The following PRKCZ variants were observed in gnomAD, a reference collection of about 807,000 sequenced individuals.
PRKCZ encodes protein kinase C zeta, also known as protein kinase C zeta type.
In PRKCZ, 33 loss-of-function variants were observed where a neutral mutation model predicts 79.5. The observed-to-expected ratio is 0.41, with a 90% CI of 0.31 to 0.55. The LOEUF (loss-of-function observed/expected upper bound fraction) is 0.55. PRKCZ is among the 20% of genes least tolerant of loss of function. The probability of loss-of-function intolerance (pLI) is 0.19; values close to 1 mark genes in which losing one functional copy is unlikely to be tolerated. For missense variants in PRKCZ, 578 were observed against 813.5 expected (o/e 0.71, Z 3.52); for synonymous variants, 342 against 320.9 (o/e 1.07, Z -0.70).
intron 9 of PRKCZ, among the ~76,000 whole-genome samples, chr1:2,153,734 G>A (rs1487058139): frequency 6.6e-6 from 1 of 152,236 alleles, no homozygotes; most frequent in Non-Finnish European, 1.5e-5. Flanking sequence ...CCTGAGAAAA[G>A]ACATTTGGAA....
chr1:2,163,448 T>TA (rs936710200), intron 10 of PRKCZ, among the ~76,000 whole-genome samples: 1 of 152,174 alleles, frequency 6.6e-6, no homozygotes, highest in African/African-American at 2.4e-5. Context: ...CAATGATACA[T>TA]ACAGCCTCTC....
rs757043168 is a variant in PRKCZ, at chr1:2,169,544, A to G, written c.1001A>G (p.Asn334Ser). The change falls in exon 11 of 18, where the codon AAC (asparagine) becomes AGC (serine). Residue 334 changes from asparagine to serine, a missense_variant. By Grantham distance (46) the Asn-to-Ser change is conservative. Around this residue, in one of 4 missense-constraint regions of PRKCZ, gnomAD observed 243 missense variants for 467.0 expected, o/e 0.52. Coordinates refer to ENST00000378567, the MANE Select transcript of PRKCZ (RefSeq NM_002744.6). ...TTGTTCCTGGTCATTGAGTACGTCA[A>G]CGGCGGGGACCTGATGTTCCACATG... is the stretch of plus-strand genomic sequence containing the variant. ...SRLFLVIEYV[N>S]GGDLMFHMQR... 7 of 1,545,148 alleles carry G rather than the reference A, an allele frequency of 4.5e-6. No individual in the cohort carries two copies. The highest frequency in any genetic ancestry group is 5.3e-6 in the Non-Finnish European group (6 of 1,142,790).
intron 6 of PRKCZ, among the ~76,000 whole-genome samples, 194 bp from the exon 7 acceptor site, chr1:2,145,833 T>C (rs1326357908): frequency 6.6e-6 from 1 of 152,176 alleles, no homozygotes; most frequent in Non-Finnish European, 1.5e-5. Flanking sequence ...GGAGGATTGC[T>C]CGAGCTCAGG....
At chr1:2,123,305 A>G (rs1361769111) in intron 4 of PRKCZ, among the ~76,000 whole-genome samples, 1 of 18,844 alleles carries the variant, frequency 5.3e-5, no homozygotes, top group Non-Finnish European at 8.9e-5. Flanking sequence ...AGTTAGGGTC[A>G]CGGTGGTGGT....
intron 4 of PRKCZ, among the ~76,000 whole-genome samples, chr1:2,090,078 C>T (rs999313416): frequency 6.6e-6 from 1 of 152,162 alleles, no homozygotes; most frequent in African/African-American, 2.4e-5. Flanking sequence ...TCCACGTTAC[C>T]CTCTGTTATG....
At chr1:2,070,572 A>C (rs1661483625) in intron 4 of PRKCZ, among the ~76,000 whole-genome samples, 1 of 152,154 alleles carries the variant, frequency 6.6e-6, no homozygotes, top group African/African-American at 2.4e-5. Context: ...TCTGGATGCA[A>C]GGGTGGCAAA....
chr1:2,156,340 C>T, intron 10 of PRKCZ: 1 of 400,700 alleles, frequency 2.5e-6, no homozygotes, highest in Non-Finnish European at 4.7e-6. Flanking sequence ...TGAGTGCAGG[C>T]ATTGGGTCAG....
At chr1:2,159,190 A>G (rs895607981) in intron 10 of PRKCZ, among the ~76,000 whole-genome samples, 1 of 152,252 alleles carries the variant, frequency 6.6e-6, no homozygotes, top group African/African-American at 2.4e-5. Context: ...AAAACTGCCC[A>G]CAAATTCTTA....
chr1:2,130,400 G>A (rs1324783659), intron 4 of PRKCZ, among the ~76,000 whole-genome samples: 2 of 152,168 alleles, frequency 1.3e-5, no homozygotes, highest in Non-Finnish European at 2.9e-5. Flanking sequence ...CTCCTGGCGT[G>A]CCTTCCCGTG....
At position 2,115,408 on chromosome 1, in the gene PRKCZ, G is replaced by A. The variant is rs552814173; in HGVS notation, c.335-19854G>A. Among the ~76,000 whole-genome samples the A allele has an allele frequency of 2.2e-3, 334 of 152,330 alleles. 3 individuals carry two copies. Among genetic ancestry groups the A allele is most frequent in the South Asian group, 0.011 (51 of 4,826 alleles). On this transcript the variant is annotated intron_variant, in intron 4 of 17. Coordinates refer to ENST00000378567, the MANE Select transcript of PRKCZ (RefSeq NM_002744.6). ...TTTCCGGGAAACAGACGTTTCCCTC[G>A]CGTGGCCGCACCAGGTCGCACTCTG...
intron 4 of PRKCZ, among the ~76,000 whole-genome samples, chr1:2,092,060 C>T (rs943471815): frequency 6.6e-6 from 1 of 152,152 alleles, no homozygotes; most frequent in Non-Finnish European, 1.5e-5. Flanking sequence ...GTCCTTGCTG[C>T]CACCTGTGCG....
intron 17 of PRKCZ, 28 bp from the exon 18 acceptor site, chr1:2,184,894 C>T (rs746512300): frequency 6.3e-7 from 1 of 1,595,356 alleles, no homozygotes; most frequent in East Asian, 2.2e-5. Context: ...ACGGTCACCC[C>T]CCTCCCCCCT....
At chr1:2,137,436 C>T (rs1218678159) in intron 5 of PRKCZ, among the ~76,000 whole-genome samples, 2 of 152,208 alleles carry the variant, frequency 1.3e-5, no homozygotes, top group Non-Finnish European at 2.9e-5. Context: ...CTCTAGGCAT[C>T]CTTCAACCCA....
intron 4 of PRKCZ, among the ~76,000 whole-genome samples, chr1:2,087,136 G>C (rs554804042): frequency 1.3e-5 from 2 of 152,174 alleles, no homozygotes; most frequent in South Asian, 2.1e-4. Context: ...AGGCTGGAGT[G>C]CAGTGGCGCG....
chr1:2,076,278 C>T (rs1023549187), intron 4 of PRKCZ, among the ~76,000 whole-genome samples: 1 of 152,188 alleles, frequency 6.6e-6, no homozygotes, highest in Non-Finnish European at 1.5e-5. Context: ...CTGGCCATCT[C>T]CCCACCTCCC....
At chr1:2,058,756 C>T (rs1660414661) in intron 3 of PRKCZ, among the ~76,000 whole-genome samples, 1 of 151,468 alleles carries the variant, frequency 6.6e-6, no homozygotes, top group South Asian at 2.1e-4. Flanking sequence ...ATTAGCCGGG[C>T]GTGGTGGTGT....
Position 2,174,885 on chromosome 1 carries a change from G to A in PRKCZ, c.1485+52G>A. 1 of 1,568,110 alleles carries A rather than the reference G, an allele frequency of 6.4e-7. No homozygotes were observed. The highest frequency in any genetic ancestry group is 1.7e-4 in the Middle Eastern group (1 of 5,978). ...TCTCGTTTGTGGCCTCGGTGTTGGT[G>A]GGCAGAGGGCCAGGCACGGCTGTTG... On this transcript the variant is annotated intron_variant, in intron 15 of 17. Transcript: ENST00000378567. This position sits in a 1 kb window ranked among gnomAD's most constrained non-coding sequence, Gnocchi z 6.2.
At chr1:2,135,816 G>A (rs1676083685) in intron 5 of PRKCZ, among the ~76,000 whole-genome samples, 2 of 152,222 alleles carry the variant, frequency 1.3e-5, no homozygotes, top group South Asian at 2.1e-4. Context: ...ACCCACGGGG[G>A]CCCTTTCCAG....
chr1:2,161,510 T>G (rs1682302090), intron 10 of PRKCZ, among the ~76,000 whole-genome samples: 1 of 152,202 alleles, frequency 6.6e-6, no homozygotes. Flanking sequence ...GGGACACACC[T>G]GCAGTGTACA....
Sources: allele counts gnomAD v4.1 joint callset (sites outside exome capture counted in the v4.1 genomes callset), GRCh38; gene constraint gnomAD v4.1.1; regional missense constraint gnomAD v4.1.1; non-coding constraint Gnocchi (gnomAD v3.1); transcripts MANE v1.5; gene names NCBI Gene and HGNC (gene_info 2026-07-23, HGNC 2026-07-21).